The following YLPM1 variants were observed in gnomAD, a reference collection of about 807,000 sequenced individuals.
The protein encoded by YLPM1 is YLP motif-containing protein 1.
In YLPM1, 99 loss-of-function variants were observed where a neutral mutation model predicts 230.0. That is an observed-to-expected ratio of 0.43 (90% CI 0.37 to 0.51). The LOEUF (loss-of-function observed/expected upper bound fraction) is 0.51, where lower values mean the gene tolerates loss of function less well. Among genes scored for constraint, YLPM1 ranks in the 20% least tolerant of loss-of-function variants. YLPM1 has a pLI of 0.00. For synonymous variants in YLPM1, 984 were observed against 942.5 expected (o/e 1.04, Z -0.81); for missense variants, 2,592 against 2,707.7 (o/e 0.96, Z 0.95).
In YLPM1 at chr14:74,835,877, T is replaced by A; in HGVS notation, c.*139T>A. 2.2e-6 allele frequency: 1 copy of A among 456,164 alleles called. No individual in the cohort carries two copies. Among genetic ancestry groups the A allele is most frequent in the South Asian group, 1.6e-5 (1 of 64,514 alleles). 28.3% of individuals were successfully genotyped at this position (456,164 alleles called of 1,614,324 possible). A position where few individuals can be genotyped will look rare whatever the true frequency, so the allele number is the denominator to read the frequency against. ...TCTTGTTTTGTTTCTACTGCTTTAGTTTTTTTTAAAGTTCTCCAGTGTCCC... is the reference window on the plus strand; with the variant it reads ...TCTTGTTTTGTTTCTACTGCTTTAGATTTTTTTAAAGTTCTCCAGTGTCCC... On this transcript the variant is annotated 3_prime_UTR_variant, in exon 21 of 21. Coordinates refer to ENST00000325680, the MANE Select transcript of YLPM1 (RefSeq NM_019589.3).
At chr14:74,818,422 A>AACTTTTCTGT in intron 16 of YLPM1, 108 bp downstream of exon 16, 2 of 807,070 alleles carry the variant, frequency 2.5e-6, no homozygotes, top group Non-Finnish European at 1.8e-6. Context: ...GTATTCATAC[A>AACTTTTCTGT]AGAACACCTA....
intron 4 of YLPM1, among the ~76,000 whole-genome samples, chr14:74,789,606 C>CTT (rs145215430): frequency 1.1e-4 from 14 of 125,556 alleles, no homozygotes; most frequent in Non-Finnish European, 1.9e-4. Context: ...TCTTTCTTTT[C>CTT]TTTTTTTTTT....
At chr14:74,828,442 CTTCT>C (rs2091583399) in intron 18 of YLPM1, among the ~76,000 whole-genome samples, 1 of 152,136 alleles carries the variant, frequency 6.6e-6, no homozygotes, top group Non-Finnish European at 1.5e-5. Flanking sequence ...ATTGCGTGTT[CTTCT>C]TTAAGACACC....
chr14:74,767,648 C>T (rs1181677556), intron 1 of YLPM1, among the ~76,000 whole-genome samples: 1 of 152,186 alleles, frequency 6.6e-6, no homozygotes, highest in Non-Finnish European at 1.5e-5. Context: ...GACAAAATTA[C>T]CCTCTGTTGA....
At chr14:74,797,181 G>A (rs1233116782) in intron 4 of YLPM1, among the ~76,000 whole-genome samples, 2 of 145,190 alleles carry the variant, frequency 1.4e-5, no homozygotes, top group South Asian at 4.4e-4. Flanking sequence ...AGTAGAGATA[G>A]GGTTTCACCA....
At position 74,809,368 on chromosome 14, in the gene YLPM1, T is replaced by C. The variant is rs1462208518; in HGVS notation, c.4522-12T>C. ...TATACTTGTCCACTAAGCTATTTAT[T>C]CTGTTCTCTAGCCTCCAGGGTCGTA... On this transcript the variant is annotated splice_polypyrimidine_tract_variant and intron_variant, in intron 6 of 20. Coordinates refer to ENST00000325680, the MANE Select transcript of YLPM1 (RefSeq NM_019589.3). 3 of 1,593,872 alleles carry C rather than the reference T, an allele frequency of 1.9e-6. No homozygotes were observed. Among genetic ancestry groups the C allele is most frequent in the Non-Finnish European group, 2.6e-6 (3 of 1,172,382 alleles).
chr14:74,820,425 T>A (rs1363960348), intron 16 of YLPM1, among the ~76,000 whole-genome samples: 2 of 152,172 alleles, frequency 1.3e-5, no homozygotes, highest in Non-Finnish European at 2.9e-5. Flanking sequence ...TTTTTTATTT[T>A]TTTTTAGAGA....
At chr14:74,780,037 C>A (rs911384544) in intron 2 of YLPM1, among the ~76,000 whole-genome samples, 2 of 152,134 alleles carry the variant, frequency 1.3e-5, no homozygotes, top group African/African-American at 4.8e-5. Flanking sequence ...CTCCTGACTT[C>A]AAGTGATCCA....
In YLPM1 at chr14:74,764,054, C is replaced by T. The variant is rs750995498; in HGVS notation, c.565C>T (p.Pro189Ser). ...TCAGCCCTACCTGCCTCCTGCTCAG[C>T]CGTCCCCTTCGCAGTCCCCACCTTC... ...SSQPYLPPAQ[P>S]SPSQSPPSQS... Residue 189 changes from proline to serine, a missense_variant, in exon 1 of 21, where the codon CCG (proline) becomes TCG (serine). Physicochemically the swap from Pro to Ser is moderately conservative, Grantham distance 74. This residue lies in a region of YLPM1 where 1,862 missense variants were observed against 1,819.8 expected (regional missense o/e 1.02). Transcript: ENST00000325680. 14 of 1,612,798 alleles carry T rather than the reference C, an allele frequency of 8.7e-6. No individual in the cohort carries two copies. The highest frequency in any genetic ancestry group is 1.2e-5 in the Non-Finnish European group (14 of 1,179,582).
At position 74,763,916 on chromosome 14, in the gene YLPM1, C is replaced by G; in HGVS notation, c.427C>G (p.Leu143Val). The change falls in exon 1 of 21, where the codon CTG becomes GTG. Residue 143 changes from leucine to valine, a missense_variant. Physicochemically the swap from Leu to Val is conservative, Grantham distance 32. Transcript: ENST00000325680. Reference sequence around the variant, plus strand: ...GCCTCCTGGTTTGGTTCCAATGGAGCTGGAATCCCCCCCTGAATCTCCCCC... The same window carrying G: ...GCCTCCTGGTTTGGTTCCAATGGAGGTGGAATCCCCCCCTGAATCTCCCCC... The part of the protein sequence containing the change: ...DGPPGLVPME[L>V]ESPPESPPVP... 2.6e-6 allele frequency: 4 copies of G among 1,546,586 alleles called. No homozygotes were observed. The highest frequency in any genetic ancestry group is 3.5e-6 in the Non-Finnish European group (4 of 1,151,210).
At chr14:74,770,054 C>T (rs1413660242) in intron 1 of YLPM1, among the ~76,000 whole-genome samples, 4 of 151,878 alleles carry the variant, frequency 2.6e-5, no homozygotes, top group South Asian at 2.1e-4. Flanking sequence ...TGGTGGTGGG[C>T]GCCTGTAGTC....
Position 74,763,967 on chromosome 14 carries a change from C to A in YLPM1, c.478C>A (p.Pro160Thr). The A allele has an allele frequency of 7.2e-7, 1 of 1,392,880 alleles. No individual in the cohort carries two copies. The highest frequency in any genetic ancestry group is 9.6e-7 in the Non-Finnish European group (1 of 1,046,278). The allele number at this position is 1,392,880 out of a possible 1,614,324, so 86.3% of individuals were successfully genotyped here. ...PPVPPGSYMP[P>T]SQSYMPPPQP... Reference sequence around the variant, plus strand: ...TGTGCCGCCTGGGTCCTATATGCCCCCATCTCAGTCTTACATGCCCCCACC... The same window carrying A: ...TGTGCCGCCTGGGTCCTATATGCCCACATCTCAGTCTTACATGCCCCCACC... The change falls in exon 1 of 21, where the codon CCA (proline) becomes ACA (threonine). Residue 160 changes from proline (P) to threonine (T), a missense_variant. Pro to Thr is a conservative substitution (Grantham distance 38, BLOSUM62 -1). Coordinates refer to ENST00000325680, the MANE Select transcript of YLPM1 (RefSeq NM_019589.3).
At position 74,769,707 on chromosome 14, in the gene YLPM1, G is replaced by A. The variant is rs148602625; in HGVS notation, c.873+5345G>A. Among the ~76,000 whole-genome samples the A allele has an allele frequency of 1.3e-4, 20 of 151,746 alleles. No individual in the cohort carries two copies. In the East Asian group the frequency reaches 3.2e-3, roughly 24 times the overall value. ...CAAAGTGCTGGGATTACAGGCGTAA[G>A]CTGCCACGCCGGGCCTGTAAAGTGA... On this transcript the variant is annotated intron_variant, in intron 1 of 20. Coordinates refer to ENST00000325680, the MANE Select transcript of YLPM1 (RefSeq NM_019589.3).
At position 74,799,615 on chromosome 14, in the gene YLPM1, C is replaced by G. The variant is rs766819488; in HGVS notation, c.4318C>G (p.Gln1440Glu). Residue 1440 changes from glutamine (Q) to glutamate (E), a missense_variant, in exon 5 of 21, where the codon CAA becomes GAA. Around this residue, in one of 4 missense-constraint regions of YLPM1, gnomAD observed 1,862 missense variants for 1,819.8 expected, o/e 1.02. Transcript: ENST00000325680. ...MGSDASLDSD[Q>E]GLGGVMVLSQ... ...GTCCGATGCAAGCTTAGACTCTGACCAAGGCCTTGGAGGGGTAATGGTTCT... is the reference window on the plus strand; with the variant it reads ...GTCCGATGCAAGCTTAGACTCTGACGAAGGCCTTGGAGGGGTAATGGTTCT... 20 of 1,613,922 alleles carry G rather than the reference C, an allele frequency of 1.2e-5. No homozygotes were observed. Among genetic ancestry groups the G allele is most frequent in the Non-Finnish European group, 1.7e-5 (20 of 1,179,870 alleles).
rs1037935231 is a variant in YLPM1 at position 74,788,160 on chromosome 14, G to A, written c.2282+5835G>A. Among the ~76,000 whole-genome samples the A allele has an allele frequency of 1.2e-4, 18 of 147,390 alleles. 1 individual carries two copies. The highest frequency in any genetic ancestry group is 6.2e-4 in the Admixed American group (9 of 14,568). On this transcript the variant is annotated intron_variant, in intron 4 of 20. Coordinates refer to ENST00000325680, the MANE Select transcript of YLPM1 (RefSeq NM_019589.3). Reference sequence around the variant, plus strand: ...TTTTGAGATGGAGTCTCGCTCTGTCGCCCAGGCTGGAGTGCAGTGGCGCAA... The same window carrying A: ...TTTTGAGATGGAGTCTCGCTCTGTCACCCAGGCTGGAGTGCAGTGGCGCAA...
At chr14:74,809,833 A>C (rs752099732) in intron 7 of YLPM1, 36 bp downstream of exon 7, 1 of 1,610,660 alleles carries the variant, frequency 6.2e-7, no homozygotes, top group South Asian at 1.1e-5. Context: ...TTGGGATTCT[A>C]CAGGAATTGT....
At chr14:74,804,956 C>T (rs1458567155) in intron 6 of YLPM1, among the ~76,000 whole-genome samples, 1 of 150,844 alleles carries the variant, frequency 6.6e-6, no homozygotes, top group Non-Finnish European at 1.5e-5. Flanking sequence ...CACTGTTATT[C>T]TTAATATTAC....
intron 16 of YLPM1, among the ~76,000 whole-genome samples, chr14:74,818,792 C>CT (rs2091498878): frequency 6.6e-6 from 1 of 152,138 alleles, no homozygotes; most frequent in Admixed American, 6.5e-5. Flanking sequence ...TTTCAAAAAT[C>CT]TAAGATTCAA....
At chr14:74,790,320 A>G (rs2091193623) in intron 4 of YLPM1, among the ~76,000 whole-genome samples, 2 of 152,100 alleles carry the variant, frequency 1.3e-5, no homozygotes, top group African/African-American at 4.8e-5. Flanking sequence ...GGGAATTTTA[A>G]TTTTAGGACC....
Sources: gnomAD v4.1 joint callset for allele counts (sites outside exome capture counted in the v4.1 genomes callset) on GRCh38, gnomAD v4.1.1 for gene constraint, gnomAD v4.1.1 regional missense constraint, MANE v1.5 for transcripts, NCBI Gene and HGNC (gene_info 2026-07-23, HGNC 2026-07-21) for gene names.